The following GXYLT2 variants were observed in gnomAD, a reference collection of about 807,000 sequenced individuals.
GXYLT2 encodes glucoside xylosyltransferase 2.
GXYLT2 carries 53 observed loss-of-function variants against 45.8 expected under a neutral mutation model. The ratio of observed to expected loss-of-function variants is 1.16; its 90% CI spans 0.93 to 1.46. The LOEUF is 1.46. Ranked by LOEUF, GXYLT2 falls within the 40% of genes most tolerant of loss-of-function variation. The pLI is 0.00. For missense variants in GXYLT2, 551 were observed against 544.4 expected (o/e 1.01, Z -0.12); for synonymous variants, 219 against 214.2 (o/e 1.02, Z -0.19).
At chr3:72,935,988 G>C (rs1053637375) in intron 3 of GXYLT2, among the ~76,000 whole-genome samples, 1 of 152,164 alleles carries the variant, frequency 6.6e-6, no homozygotes, top group African/African-American at 2.4e-5. Flanking sequence ...ACAGCATCCT[G>C]GTTGGAGAAA....
At chr3:72,926,623 G>A (rs1559737006) in intron 3 of GXYLT2, among the ~76,000 whole-genome samples, 1 of 152,138 alleles carries the variant, frequency 6.6e-6, no homozygotes, top group South Asian at 2.1e-4. Context: ...CAATTAATTG[G>A]AAGTAGTGAG....
Position 72,955,462 on chromosome 3 carries a change from A to T in GXYLT2, c.852+113A>T, listed in dbSNP as rs1361603375. ...TTGGAAATTGGGTGGCCTATAGGTGAGGATAAAAGGAACCAGAGAAAAGTA... is the reference window on the plus strand; with the variant it reads ...TTGGAAATTGGGTGGCCTATAGGTGTGGATAAAAGGAACCAGAGAAAAGTA... On this transcript the variant is annotated intron_variant, in intron 4 of 6. Transcript: ENST00000389617. The T allele has an allele frequency of 1.2e-5, 10 of 836,740 alleles. No homozygotes were observed. In the South Asian group the frequency reaches 1.3e-4, roughly 11 times the overall value. 51.8% of individuals were successfully genotyped at this position (836,740 alleles called of 1,614,324 possible).
At chr3:72,911,818 A>G (rs1709628173) in intron 2 of GXYLT2, among the ~76,000 whole-genome samples, 2 of 151,750 alleles carry the variant, frequency 1.3e-5, no homozygotes, top group Admixed American at 1.3e-4. Context: ...TCTGTTGCCC[A>G]TTGCAGTGAC....
intron 2 of GXYLT2, among the ~76,000 whole-genome samples, chr3:72,919,919 C>T (rs142844198): frequency 1.3e-4 from 20 of 152,180 alleles, no homozygotes; most frequent in African/African-American, 4.8e-4. Context: ...AGAATTAACA[C>T]TAATGTAAAC....
intron 5 of GXYLT2, among the ~76,000 whole-genome samples, chr3:72,957,595 T>A (rs921158652): frequency 2.6e-5 from 4 of 152,186 alleles, no homozygotes; most frequent in Non-Finnish European, 5.9e-5. Flanking sequence ...TTAGAGAGTA[T>A]CTTTTAGGTT....
intron 5 of GXYLT2, among the ~76,000 whole-genome samples, chr3:72,959,184 C>G (rs1710719265): frequency 7.9e-6 from 1 of 127,330 alleles, no homozygotes; most frequent in African/African-American, 3.0e-5. Context: ...GTGGCATGAT[C>G]TCGGCTCACT....
At chr3:72,970,132 C>G (rs774300751) in intron 6 of GXYLT2, among the ~76,000 whole-genome samples, 2 of 152,052 alleles carry the variant, frequency 1.3e-5, no homozygotes, top group East Asian at 3.9e-4. Context: ...AGGCAGATCA[C>G]TTGAGGTTAG....
chr3:72,933,464 A>G (rs1181063552), intron 3 of GXYLT2, among the ~76,000 whole-genome samples: 1 of 152,234 alleles, frequency 6.6e-6, no homozygotes, highest in Non-Finnish European at 1.5e-5. Flanking sequence ...ACAATAATAT[A>G]TGTTGATTAC....
chr3:72,924,542 A>AT (rs558086809), intron 3 of GXYLT2, among the ~76,000 whole-genome samples: 23 of 152,106 alleles, frequency 1.5e-4, no homozygotes, highest in African/African-American at 5.1e-4. Context: ...CCACTGGATG[A>AT]TTTTTTGCAG....
chr3:72,947,778 G>T (rs967982356), intron 3 of GXYLT2, among the ~76,000 whole-genome samples: 3 of 151,996 alleles, frequency 2.0e-5, no homozygotes, highest in African/African-American at 7.2e-5. Flanking sequence ...TTCCAGCCTG[G>T]GCAACAGGAG....
chr3:72,948,608 G>C (rs900187176), intron 3 of GXYLT2, among the ~76,000 whole-genome samples: 1 of 152,192 alleles, frequency 6.6e-6, no homozygotes, highest in African/African-American at 2.4e-5. Flanking sequence ...GGAGGCCAAG[G>C]CGGGTGGATC....
chr3:72,906,405 G>A (rs1333379134), intron 1 of GXYLT2, among the ~76,000 whole-genome samples: 2 of 152,116 alleles, frequency 1.3e-5, no homozygotes, highest in Non-Finnish European at 2.9e-5. Context: ...TGGCACTGTA[G>A]GGAATATACT....
chr3:72,891,612 T>A (rs1709184098), intron 1 of GXYLT2, among the ~76,000 whole-genome samples: 1 of 152,152 alleles, frequency 6.6e-6, no homozygotes, highest in African/African-American at 2.4e-5. Flanking sequence ...ACAAAACAAA[T>A]GAAATCTTCC....
intron 3 of GXYLT2, among the ~76,000 whole-genome samples, chr3:72,943,531 C>G (rs987585722): frequency 2.0e-5 from 3 of 151,334 alleles, no homozygotes; most frequent in African/African-American, 7.3e-5. Context: ...CACGCCCCAC[C>G]ACGCCTGGCT....
At position 72,908,485 on chromosome 3, in the gene GXYLT2, G is replaced by A. The variant is rs1431207548; in HGVS notation, c.394G>A (p.Val132Met). 1.2e-6 allele frequency: 2 copies of A among 1,613,862 alleles called. No individual in the cohort carries two copies. The highest frequency in any genetic ancestry group is 2.2e-5 in the East Asian group (1 of 44,888). ...GACGCTGGTCATGCTCAAATCAGCT[G>A]TGCTTTTTAGCCACAGGAAGATCCA... ...EETLVMLKSA[V>M]LFSHRKIQFH... Residue 132 changes from valine (V) to methionine (M), a missense_variant, in exon 2 of 7, where the codon GTG becomes ATG. Val to Met is a conservative substitution (Grantham distance 21). Transcript: ENST00000389617.
intron 2 of GXYLT2, among the ~76,000 whole-genome samples, chr3:72,916,775 G>A (rs1341632476): frequency 1.3e-5 from 2 of 151,002 alleles, no homozygotes; most frequent in Non-Finnish European, 3.0e-5. Context: ...TCCTGACCTC[G>A]GCCTCCCAAA....
At chr3:72,972,867 G>T (rs1466766961) in intron 6 of GXYLT2, among the ~76,000 whole-genome samples, 1 of 151,876 alleles carries the variant, frequency 6.6e-6, no homozygotes, top group East Asian at 1.9e-4. Context: ...AGCTTAGGAG[G>T]CCAAGGCTAC....
intron 3 of GXYLT2, among the ~76,000 whole-genome samples, chr3:72,952,448 A>G (rs1348587479): frequency 6.6e-6 from 1 of 152,194 alleles, no homozygotes; most frequent in East Asian, 1.9e-4. Flanking sequence ...AGAATTACTC[A>G]GGTCTGAAGT....
Position 72,945,212 on chromosome 3 carries a change from C to T in GXYLT2, c.601-9886C>T, listed in dbSNP as rs536375284. On this transcript the variant is annotated intron_variant, in intron 3 of 6. Transcript: ENST00000389617. The stretch of plus-strand genomic sequence containing the variant: ...CTGAGGCAGGAGAATGGTGTGAACC[C>T]GGGAGGCGGAGCTTGCAGCGAGCTG... Among the ~76,000 whole-genome samples the T allele has an allele frequency of 2.8e-4, 42 of 151,930 alleles. No homozygotes were observed. In the East Asian group the frequency reaches 5.2e-3, roughly 19 times the overall value.
Sources: allele counts gnomAD v4.1 joint callset (sites outside exome capture counted in the v4.1 genomes callset), GRCh38; gene constraint gnomAD v4.1.1; transcripts MANE v1.5; gene names NCBI Gene and HGNC (gene_info 2026-07-23, HGNC 2026-07-21).